Variants in DUSP5 observed in about 807,000 individuals in gnomAD.
The protein encoded by DUSP5 is dual specificity phosphatase 5.
DUSP5 carries 22 observed loss-of-function variants against 33.6 expected under a neutral mutation model. The ratio of observed to expected loss-of-function variants is 0.66; its 90% CI spans 0.47 to 0.94. The LOEUF (loss-of-function observed/expected upper bound fraction) is 0.94. Ranked by LOEUF, DUSP5 falls within the 40% of genes least tolerant of loss-of-function variation. The pLI, the probability that DUSP5 is intolerant of heterozygous loss-of-function variation, is 0.00. For missense variants in DUSP5, 551 were observed against 522.1 expected (o/e 1.06, Z -0.54); for synonymous variants, 270 against 231.1 (o/e 1.17, Z -1.53).
chr10:110,505,745 C>A (rs1358482935), intron 2 of DUSP5, among the ~76,000 whole-genome samples: 1 of 152,192 alleles, frequency 6.6e-6, no homozygotes, highest in Admixed American at 6.5e-5. Context: ...TCCCATTTTT[C>A]CAACCATCAC....
chr10:110,498,170 AAGG>A lies in DUSP5; in HGVS notation c.53_55del (p.Glu18del). ...GCGCCAGCTGCGCAAGATGCTCCGC[AAGG>A]AGGCGGCGGCGCGCTGCGTGGTGCT... is the stretch of plus-strand genomic sequence containing the variant. On this transcript the variant is annotated inframe_deletion, in exon 1 of 4. Transcript: ENST00000369583. The A allele has an allele frequency of 6.7e-7, 1 of 1,487,294 alleles. No individual in the cohort carries two copies. 92.1% of individuals were successfully genotyped at this position (1,487,294 alleles called of 1,614,324 possible). A position where few individuals can be genotyped will look rare whatever the true frequency, so the allele number is the denominator to read the frequency against.
At chr10:110,499,431 C>T (rs552870961) in intron 1 of DUSP5, among the ~76,000 whole-genome samples, 1 of 152,202 alleles carries the variant, frequency 6.6e-6, no homozygotes, top group African/African-American at 2.4e-5. Flanking sequence ...GGAGACCTGA[C>T]CCACATGTAG....
Position 110,501,158 on chromosome 10 carries a change from C to T in DUSP5, c.380-1563C>T, listed in dbSNP as rs575809478. On this transcript the variant is annotated intron_variant, in intron 1 of 3. Coordinates refer to ENST00000369583, the MANE Select transcript of DUSP5 (RefSeq NM_004419.4). ...CAGGTGGTTTACTGACTAGGGATGC[C>T]TCTTCCAAGGAAGCTGTGGGTCATT... 2.0e-5 allele frequency among the ~76,000 whole-genome samples: 3 copies of T among 152,306 alleles called. No individual in the cohort carries two copies. The South Asian group carries it at 6.2e-4, about 32-fold the overall frequency.
intron 1 of DUSP5, among the ~76,000 whole-genome samples, chr10:110,501,546 G>A (rs1183797705): frequency 6.6e-6 from 1 of 152,136 alleles, no homozygotes; most frequent in Non-Finnish European, 1.5e-5. Flanking sequence ...CTTTAAAAAA[G>A]CCAGCATCAC....
Position 110,498,357 on chromosome 10 carries a change from G to T in DUSP5, c.236G>T (p.Gly79Val). 7.2e-7 allele frequency: 1 copy of T among 1,391,016 alleles called. No homozygotes were observed. Among genetic ancestry groups the T allele is most frequent in the Non-Finnish European group, 9.3e-7 (1 of 1,071,228 alleles). 86.2% of individuals were successfully genotyped at this position (1,391,016 alleles called of 1,614,324 possible). The change falls in exon 1 of 4, where the codon GGC becomes GTC. Residue 79 changes from glycine to valine, a missense_variant. Gly to Val is a moderately radical substitution (Grantham distance 109). This residue lies in a region of DUSP5 where 381 missense variants were observed against 310.4 expected (regional missense o/e 1.23). Transcript: ENST00000369583. Reference sequence around the variant, plus strand: ...GCGCGCGCGCGGCTCCTGCAGGAGGGCGGCGGCGGCGTCGCGGCCGTGGTG... The same window carrying T: ...GCGCGCGCGCGGCTCCTGCAGGAGGTCGGCGGCGGCGTCGCGGCCGTGGTG... ...EAARARLLQE[G>V]GGGVAAVVVL...
At chr10:110,507,609 C>T (rs991123103) in intron 3 of DUSP5, among the ~76,000 whole-genome samples, 5 of 152,330 alleles carry the variant, frequency 3.3e-5, no homozygotes, top group Middle Eastern at 3.4e-3. Context: ...TCTTGGTGAA[C>T]GGCTTGGGGC....
rs1366349167 is a variant in DUSP5 at position 110,497,964 on chromosome 10, G to A, written c.-158G>A. ...ATCGAGCGAGCGGGGCGGGAACGCG[G>A]AGTTGCGCCGCCGCTCGGGCGCCGG... is the stretch of plus-strand genomic sequence containing the variant. On this transcript the variant is annotated 5_prime_UTR_variant, in exon 1 of 4. Transcript: ENST00000369583. 2.0e-4 allele frequency: 92 copies of A among 455,480 alleles called. No individual in the cohort carries two copies. The highest frequency in any genetic ancestry group is 2.5e-4 in the Non-Finnish European group (88 of 345,870). The allele number at this position is 455,480 out of a possible 1,614,324, so 28.2% of individuals were successfully genotyped here.
chr10:110,498,018 C>T lies in DUSP5; in HGVS notation c.-104C>T. On this transcript the variant is annotated 5_prime_UTR_variant, in exon 1 of 4. Coordinates refer to ENST00000369583, the MANE Select transcript of DUSP5 (RefSeq NM_004419.4). The stretch of plus-strand genomic sequence containing the variant: ...CCGTCGCGGCCGCAGCCCCGCGGGT[C>T]GCCCTCCCGTGCCTCGCCCGCGGAC... 2 of 948,208 alleles carry T rather than the reference C, an allele frequency of 2.1e-6. No homozygotes were observed. The highest frequency in any genetic ancestry group is 2.5e-6 in the Non-Finnish European group (2 of 792,378). The allele number at this position is 948,208 out of a possible 1,614,324, so 58.7% of individuals were successfully genotyped here. A position where few individuals can be genotyped will look rare whatever the true frequency, so the allele number is the denominator to read the frequency against.
chr10:110,504,942 G>A (rs912923951), intron 2 of DUSP5, among the ~76,000 whole-genome samples: 2 of 152,218 alleles, frequency 1.3e-5, no homozygotes, highest in African/African-American at 2.4e-5. Context: ...ACATCAGGTA[G>A]TAAGCATGGA....
chr10:110,505,622 T>G (rs543804600), intron 2 of DUSP5, among the ~76,000 whole-genome samples: 2 of 152,284 alleles, frequency 1.3e-5, no homozygotes, highest in Admixed American at 6.5e-5. Flanking sequence ...ATTCCGTTCT[T>G]ATTCCAGGGC....
At chr10:110,505,944 G>C (rs895876093) in intron 2 of DUSP5, among the ~76,000 whole-genome samples, 2 of 152,302 alleles carry the variant, frequency 1.3e-5, no homozygotes, top group African/African-American at 4.8e-5. Context: ...ACAAACCCCC[G>C]TGTGAAGAAG....
Position 110,498,293 on chromosome 10 carries a change from G to T in DUSP5, c.172G>T (p.Gly58Cys). ...NSVVLRRARG[G>C]AVSARYVLPD... is the part of the protein sequence containing the mutation. ...GGTGGTGCTGCGGCGGGCCCGGGGC[G>T]GCGCGGTGTCGGCGCGCTACGTGCT... Residue 58 changes from glycine to cysteine, a missense_variant, in exon 1 of 4, where the codon GGC (glycine) becomes TGC (cysteine). Gly to Cys is a radical substitution (Grantham distance 159, BLOSUM62 -3). Around this residue, in one of 3 missense-constraint regions of DUSP5, gnomAD observed 381 missense variants for 310.4 expected, o/e 1.23. Coordinates refer to ENST00000369583, the MANE Select transcript of DUSP5 (RefSeq NM_004419.4). 6.9e-7 allele frequency: 1 copy of T among 1,444,688 alleles called. No individual in the cohort carries two copies. Among genetic ancestry groups the T allele is most frequent in the Non-Finnish European group, 9.1e-7 (1 of 1,092,932 alleles). 89.5% of individuals were successfully genotyped at this position (1,444,688 alleles called of 1,614,324 possible).
chr10:110,509,802 G>C (rs896906704), intron 3 of DUSP5, among the ~76,000 whole-genome samples: 1 of 152,150 alleles, frequency 6.6e-6, no homozygotes, highest in South Asian at 2.1e-4. Flanking sequence ...GCTGTAAACT[G>C]TAAAGGTCCT....
At chr10:110,499,510 A>G (rs1860012515) in intron 1 of DUSP5, among the ~76,000 whole-genome samples, 2 of 144,404 alleles carry the variant, frequency 1.4e-5, no homozygotes, top group African/African-American at 5.0e-5. Context: ...TTGGGATGTA[A>G]CAGTGTTGGG....
At position 110,510,315 on chromosome 10, in the gene DUSP5, C is replaced by T. The variant is rs1394503135; in HGVS notation, c.1044C>T (p.Asp348=). The T allele has an allele frequency of 6.2e-7, 1 of 1,614,120 alleles. No individual in the cohort carries two copies. The highest frequency in any genetic ancestry group is 2.2e-5 in the East Asian group (1 of 44,898). Residue 348 remains aspartate (D), a synonymous_variant, in exon 4 of 4, where the codon GAC becomes GAT. Transcript: ENST00000369583. ...LIGHLQTLSP[D]MQGAYCTFPA... ...GCCATTTGCAGACACTGAGCCCTGACATGCAGGGTGCCTACTGCACATTCC... is the reference window on the plus strand; with the variant it reads ...GCCATTTGCAGACACTGAGCCCTGATATGCAGGGTGCCTACTGCACATTCC...
chr10:110,502,971 T>A (rs1860074900), intron 2 of DUSP5, 102 bp downstream of exon 2: 6 of 1,477,778 alleles, frequency 4.1e-6, no homozygotes, highest in Non-Finnish European at 5.5e-6. Context: ...TCAGCAATGA[T>A]GGTTAGTTCT....
Position 110,510,025 on chromosome 10 carries a change from G to A in DUSP5, c.754G>A (p.Val252Ile), listed in dbSNP as rs1348885876. The change falls in exon 4 of 4, where the codon GTC (valine) becomes ATC (isoleucine). Residue 252 changes from valine (V) to isoleucine (I), a missense_variant. Transcript: ENST00000369583. ...FQEAIDFIDC[V>I]REKGGKVLVH... Reference sequence around the variant, plus strand: ...CCATCTTTTCTTCCTTCCAGACTGTGTCAGGGAAAAGGGAGGCAAGGTCCT... The same window carrying A: ...CCATCTTTTCTTCCTTCCAGACTGTATCAGGGAAAAGGGAGGCAAGGTCCT... The A allele has an allele frequency of 6.3e-7, 1 of 1,595,208 alleles. No homozygotes were observed. The highest frequency in any genetic ancestry group is 8.6e-7 in the Non-Finnish European group (1 of 1,167,102).
rs1463791582 is a variant in DUSP5, at chr10:110,507,134, A to G, written c.728A>G (p.Gln243Arg). Residue 243 changes from glutamine (Q) to arginine (R), a missense_variant, in exon 3 of 4, where the codon CAA (glutamine) becomes CGA (arginine). Gln to Arg is a conservative substitution (Grantham distance 43, BLOSUM62 1). Transcript: ENST00000369583. The part of the protein sequence containing the change: ...SHTADISSHF[Q>R]EAIDFIDCVR... ...ACGGCTGACATTAGCTCCCACTTTC[A>G]AGAAGCAATAGACTTCATTGGTAGG... 2 of 1,613,778 alleles carry G rather than the reference A, an allele frequency of 1.2e-6. No individual in the cohort carries two copies. The highest frequency in any genetic ancestry group is 1.7e-5 in the Admixed American group (1 of 60,036).
chr10:110,506,876 T>G, intron 2 of DUSP5, 59 bp from the exon 3 acceptor site: 1 of 1,558,966 alleles, frequency 6.4e-7, no homozygotes, highest in South Asian at 1.1e-5. Context: ...TGTTTTTTCC[T>G]CTCTCAAATG....
Sources: allele counts gnomAD v4.1 joint callset (sites outside exome capture counted in the v4.1 genomes callset), GRCh38; gene constraint gnomAD v4.1.1; regional missense constraint gnomAD v4.1.1; transcripts MANE v1.5; gene names NCBI Gene and HGNC (gene_info 2026-07-23, HGNC 2026-07-21).